The following ILDR1 variants were observed in gnomAD, a reference collection of about 807,000 sequenced individuals.
ILDR1 encodes the protein immunoglobulin like domain containing receptor 1, also known as immunoglobulin-like domain-containing receptor 1.
In ILDR1, 56 loss-of-function variants were observed where a neutral mutation model predicts 62.4. The ratio of observed to expected loss-of-function variants is 0.90; its 90% CI spans 0.72 to 1.12. The LOEUF (loss-of-function observed/expected upper bound fraction) is 1.12, where lower values mean the gene tolerates loss of function less well. Among genes scored for constraint, ILDR1 ranks in the 50% most tolerant of loss-of-function variants. The pLI, the probability that ILDR1 is intolerant of heterozygous loss-of-function variation, is 0.00. For missense variants in ILDR1, 736 were observed against 710.6 expected (o/e 1.04, Z -0.41); for synonymous variants, 284 against 277.8 (o/e 1.02, Z -0.22).
chr3:122,053,464 T>C, the ILDR1 span, among the ~76,000 whole-genome samples: 2 of 152,170 alleles, frequency 1.3e-5, no homozygotes, highest in African/African-American at 4.8e-5. Flanking sequence ...ATATACTAAA[T>C]ATATTAATTA....
chr3:121,992,064 T>C (rs1266031362), intron 7 of ILDR1, among the ~76,000 whole-genome samples: 3 of 152,222 alleles, frequency 2.0e-5, no homozygotes, highest in African/African-American at 4.8e-5. Flanking sequence ...AGTTTATTAA[T>C]GTTTTTGAGC....
Position 122,006,992 on chromosome 3 carries a change from C to T in ILDR1, c.228G>A (p.Ala76=). 8 of 1,611,774 alleles carry T rather than the reference C, an allele frequency of 5.0e-6. No homozygotes were observed. Among genetic ancestry groups the T allele is most frequent in the South Asian group, 2.2e-5 (2 of 90,830 alleles). ...CKDPIFDYYS[A]SYQAALSLGQ... is the part of the protein sequence containing the mutation. ...GGCCAAGGGGGTAAGGATACTCACA[C>T]GCTGAGTAGTAGTCAAAGATAGGGT... The change falls in exon 2 of 8, where the codon GCG becomes GCA. Residue 76 remains alanine, a splice_region_variant and synonymous_variant. Transcript: ENST00000344209.
the ILDR1 span, among the ~76,000 whole-genome samples, chr3:122,053,055 A>G: frequency 2.0e-5 from 3 of 152,146 alleles, no homozygotes; most frequent in Admixed American, 6.5e-5. Context: ...AGTGTGATGT[A>G]GCCTCTTAGC....
chr3:122,037,921 C>CCTCT, the ILDR1 span, among the ~76,000 whole-genome samples: 1 of 149,352 alleles, frequency 6.7e-6, no homozygotes, highest in African/African-American at 2.5e-5. Context: ...TGTGGTACTT[C>CCTCT]CTCTCTCTCT....
the ILDR1 span, among the ~76,000 whole-genome samples, chr3:122,049,566 G>A: frequency 2.0e-5 from 3 of 152,144 alleles, no homozygotes; most frequent in East Asian, 3.8e-4. Flanking sequence ...TGATGTTGGT[G>A]CATATAAATT....
rs1489872687 is a variant in ILDR1, at chr3:122,005,354, T to A, written c.269A>T (p.Asn90Ile). 6.2e-7 allele frequency: 1 copy of A among 1,614,156 alleles called. No homozygotes were observed. The change falls in exon 3 of 8, where the codon AAT (asparagine) becomes ATT (isoleucine). Residue 90 changes from asparagine (N) to isoleucine (I), a missense_variant. Physicochemically the swap from Asn to Ile is moderately radical, Grantham distance 149. Transcript: ENST00000344209. ...TTCCCGCTGGTTGTCGTTGCAGTCA[T>A]TGGATGGGTCCTGGCCCAGGGATAA... The part of the protein sequence containing the change: ...AALSLGQDPS[N>I]DCNDNQREVR...
chr3:122,001,189 A>G (rs1362770862), intron 5 of ILDR1, 119 bp downstream of exon 5: 1 of 1,171,722 alleles, frequency 8.5e-7, no homozygotes, highest in African/African-American at 1.5e-5. Flanking sequence ...TGTCCCTATG[A>G]TGGGAGAAGG....
the ILDR1 span, chr3:122,055,542 G>C: frequency 6.2e-7 from 1 of 1,602,634 alleles, no homozygotes. Flanking sequence ...GAAGTTATGA[G>C]TTGTGACTGC....
At chr3:121,991,135 G>A (rs1230949853) in intron 7 of ILDR1, among the ~76,000 whole-genome samples, 2 of 152,132 alleles carry the variant, frequency 1.3e-5, no homozygotes, top group South Asian at 2.1e-4. Context: ...GGGAGGCAGA[G>A]GTTGCAGAGA....
chr3:122,028,197 G>C, the ILDR1 span, among the ~76,000 whole-genome samples: 1 of 151,778 alleles, frequency 6.6e-6, no homozygotes, highest in Non-Finnish European at 1.5e-5. Flanking sequence ...TTAGCTGGGC[G>C]TGGTGGCGGG....
chr3:122,010,615 TTTTG>T (rs1256062371), intron 1 of ILDR1, among the ~76,000 whole-genome samples: 2 of 152,290 alleles, frequency 1.3e-5, no homozygotes, highest in South Asian at 2.1e-4. Context: ...GTTTTTTGTT[TTTTG>T]TTTGTTTGTT....
chr3:122,030,990 A>G, the ILDR1 span, among the ~76,000 whole-genome samples: 1 of 152,300 alleles, frequency 6.6e-6, no homozygotes, highest in East Asian at 1.9e-4. Context: ...CATGTTTTCT[A>G]TCTCAGCTTC....
Position 121,993,942 on chromosome 3 carries a change from C to T in ILDR1, c.807G>A (p.Gln269=). 1.2e-6 allele frequency: 2 copies of T among 1,612,412 alleles called. No homozygotes were observed. The highest frequency in any genetic ancestry group is 1.7e-6 in the Non-Finnish European group (2 of 1,180,002). The change falls in exon 7 of 8, where the codon CAG becomes CAA. Residue 269 remains glutamine (Q), a synonymous_variant. Transcript: ENST00000344209. ...GATTGGTGGTCTGGGTCATTGGCAT[C>T]TGCGGGAGGCTGGACGGCAGGGACA... ...RDLSLPSSLP[Q]MPMTQTTNQP...
intron 3 of ILDR1, among the ~76,000 whole-genome samples, chr3:122,003,597 T>C (rs548202856): frequency 1.3e-5 from 2 of 152,252 alleles, no homozygotes; most frequent in East Asian, 1.9e-4. Flanking sequence ...TCATCTCAAA[T>C]GATGCAGGCA....
At chr3:122,055,899 G>C in the ILDR1 span, among the ~76,000 whole-genome samples, 1 of 152,096 alleles carries the variant, frequency 6.6e-6, no homozygotes, top group Non-Finnish European at 1.5e-5. Flanking sequence ...AAGGTAGAGG[G>C]AGAGAGATCA....
chr3:122,032,876 C>G, the ILDR1 span, among the ~76,000 whole-genome samples: 1 of 152,166 alleles, frequency 6.6e-6, no homozygotes, highest in African/African-American at 2.4e-5. Flanking sequence ...GTCCAGTCTT[C>G]GGAAGAAATG....
At position 121,993,608 on chromosome 3, in the gene ILDR1, G is replaced by T; in HGVS notation, c.1141C>A (p.Gln381Lys). 6.2e-7 allele frequency: 1 copy of T among 1,614,214 alleles called. No individual in the cohort carries two copies. Among genetic ancestry groups the T allele is most frequent in the Non-Finnish European group, 8.5e-7 (1 of 1,180,038 alleles). ...GCCCAAGACTTTGGCCCCCGGTCCT[G>T]GAGCTCCTGGTGGAAATCAGGGTAA... ...HHYPDFHQEL[Q>K]DRGPKSWALE... The change falls in exon 7 of 8, where the codon CAG (glutamine) becomes AAG (lysine). Residue 381 changes from glutamine to lysine, a missense_variant. Gln to Lys is a moderately conservative substitution (Grantham distance 53, BLOSUM62 1). Transcript: ENST00000344209.
chr3:121,994,272 C>A lies in ILDR1; in HGVS notation c.688G>T (p.Gly230Cys). The change falls in exon 6 of 8, where the codon GGT becomes TGT. Residue 230 changes from glycine (G) to cysteine (C), a missense_variant. By Grantham distance (159) the Gly-to-Cys change is radical. Coordinates refer to ENST00000344209, the MANE Select transcript of ILDR1 (RefSeq NM_001199799.2). Reference protein sequence around the residue: ...HRYMKQAQALGPQMMGKPLYW... With the variant: ...HRYMKQAQALCPQMMGKPLYW... Reference sequence around the variant, plus strand: ...AGGGGTTTTCCCATCATCTGAGGACCTAGGGCCTGGGCCTGCTTCATGTAG... The same window carrying A: ...AGGGGTTTTCCCATCATCTGAGGACATAGGGCCTGGGCCTGCTTCATGTAG... 2.0e-6 allele frequency: 3 copies of A among 1,536,086 alleles called. No individual in the cohort carries two copies. The highest frequency in any genetic ancestry group is 2.6e-6 in the Non-Finnish European group (3 of 1,146,868).
At chr3:122,048,720 A>G in the ILDR1 span, among the ~76,000 whole-genome samples, 2 of 152,176 alleles carry the variant, frequency 1.3e-5, no homozygotes, top group African/African-American at 4.8e-5. Context: ...GTAAGTGTTC[A>G]CAGCAGTCTC....
Sources: gnomAD v4.1 joint callset for allele counts (sites outside exome capture counted in the v4.1 genomes callset) on GRCh38, gnomAD v4.1.1 for gene constraint, MANE v1.5 for transcripts, NCBI Gene and HGNC (gene_info 2026-07-23, HGNC 2026-07-21) for gene names.